Variants in PWWP2A observed in about 807,000 individuals in gnomAD.
PWWP2A encodes PWWP domain-containing protein 2A.
Under a neutral mutation model 48.5 loss-of-function variants are expected in PWWP2A, and 18 were observed. That is an observed-to-expected ratio of 0.37 (90% CI 0.26 to 0.55). The LOEUF (loss-of-function observed/expected upper bound fraction) is 0.55. Among genes scored for constraint, PWWP2A ranks in the 20% least tolerant of loss-of-function variants. The pLI is 0.81. For synonymous variants in PWWP2A, 396 were observed against 387.7 expected (o/e 1.02, Z -0.25); for missense variants, 867 against 976.4 (o/e 0.89, Z 1.49).
At chr5:160,115,136 T>TAAAAAAA (rs1561708134) in intron 1 of PWWP2A, among the ~76,000 whole-genome samples, 2 of 45,708 alleles carry the variant, frequency 4.4e-5, no homozygotes, top group Admixed American at 3.9e-4. Flanking sequence ...GGAGACTCTG[T>TAAAAAAA]CAAAAAAAAA....
the PWWP2A span, chr5:160,051,031 C>T: frequency 1.1e-6 from 1 of 914,454 alleles, no homozygotes; most frequent in Non-Finnish European, 1.6e-6. Context: ...ATCTTATTTC[C>T]ACATTAGGAT....
At chr5:160,080,288 C>T (rs1440634734) in intron 3 of PWWP2A, among the ~76,000 whole-genome samples, 2 of 151,904 alleles carry the variant, frequency 1.3e-5, no homozygotes, top group Admixed American at 1.3e-4. Context: ...CAAAAAAAGA[C>T]GGAGATAGTG....
chr5:160,087,252 T>C (rs1469480239), downstream of PWWP2A, among the ~76,000 whole-genome samples: 1 of 151,838 alleles, frequency 6.6e-6, no homozygotes, highest in Non-Finnish European at 1.5e-5. Context: ...CATGGTGACA[T>C]ACACCAGTAG....
chr5:160,067,295 T>A lies in PWWP2A; in HGVS notation c.*80-424A>T, dbSNP rs564943001. Among the ~76,000 whole-genome samples the A allele has an allele frequency of 5.5e-4, 84 of 152,306 alleles. 2 individuals carry two copies. The highest frequency in any genetic ancestry group is 3.4e-3 in the Middle Eastern group (1 of 294). ...GTTTTCATAAGACAAAATTTTGTCT[T>A]ATGAAAATAGCTTTCATAATACAAA... On this transcript the variant is annotated intron_variant and NMD_transcript_variant, in intron 2 of 5. Transcript: ENST00000524050.
At chr5:160,116,745 ATCTCT>A in intron 1 of PWWP2A, 1 of 985,226 alleles carries the variant, frequency 1.0e-6, no homozygotes. Flanking sequence ...ATCACTGGCC[ATCTCT>A]TCTGTTTCAT....
chr5:160,045,505 CACACACACAT>C, the PWWP2A span, among the ~76,000 whole-genome samples: 293 of 97,234 alleles, frequency 3.0e-3, 2 homozygotes, highest in Non-Finnish European at 3.1e-3. Context: ...CACACACACA[CACACACACAT>C]ACACACTCTC....
At chr5:160,059,193 GT>G (rs34949136), downstream of PWWP2A, among the ~76,000 whole-genome samples, 97,930 of 152,080 alleles carry the variant, frequency 0.64, 31,501 homozygotes, top group East Asian at 0.72. Context: ...ATATAGTGCT[GT>G]TTTCATCTAC....
chr5:160,106,650 G>A lies in PWWP2A; in HGVS notation c.584+12155C>T, dbSNP rs969938696. Among the ~76,000 whole-genome samples, 3 of 151,854 alleles carry A rather than the reference G, an allele frequency of 2.0e-5. No homozygotes were observed. In the East Asian group the frequency reaches 5.8e-4, roughly 29 times the overall value. On this transcript the variant is annotated intron_variant, in intron 1 of 1. Coordinates refer to ENST00000307063, the MANE Select transcript of PWWP2A (RefSeq NM_001130864.2). ...TCAACTACATAAAATTGGTTCAAGG[G>A]TAAAGAAATGAAAATTATGGACTGC...
chr5:160,103,170 T>C (rs1384151316), intron 1 of PWWP2A, among the ~76,000 whole-genome samples: 1 of 152,202 alleles, frequency 6.6e-6, no homozygotes, highest in Non-Finnish European at 1.5e-5. Context: ...TACAAATGAG[T>C]GACTCTAGAA....
At chr5:160,114,527 C>T (rs1757906124) in intron 1 of PWWP2A, among the ~76,000 whole-genome samples, 1 of 151,716 alleles carries the variant, frequency 6.6e-6, no homozygotes, top group South Asian at 2.1e-4. Context: ...TTTTCAGAGG[C>T]CAAGGCGGGC....
chr5:160,049,693 C>G, the PWWP2A span: 1 of 1,488,906 alleles, frequency 6.7e-7, no homozygotes, highest in African/African-American at 1.4e-5. Context: ...AATATTTTTC[C>G]TTCTATTCTT....
At chr5:160,095,861 AT>A (rs1755597614) in intron 1 of PWWP2A, among the ~76,000 whole-genome samples, 1 of 151,754 alleles carries the variant, frequency 6.6e-6, no homozygotes, top group South Asian at 2.1e-4. Context: ...TGCCTGGCTA[AT>A]TTTAGTATTT....
chr5:160,090,713 C>G, downstream of PWWP2A: 1 of 953,670 alleles, frequency 1.0e-6, no homozygotes, highest in Non-Finnish European at 1.2e-6. Flanking sequence ...TCCATAGTAA[C>G]TACTTCAAAT....
At chr5:160,105,286 C>G (rs147264003) in intron 1 of PWWP2A, among the ~76,000 whole-genome samples, 256 of 143,176 alleles carry the variant, frequency 1.8e-3, no homozygotes, top group African/African-American at 6.3e-3. Flanking sequence ...CGGTGGCTCA[C>G]AGCTGTAATC....
chr5:160,118,888 G>A lies in PWWP2A; in HGVS notation c.501C>T (p.Asp167=). ...CGACAAGCGCGTCCTCAATGATGTG[G>A]TCCAGCGTGACCCGCACCTCCGAGC... is the stretch of plus-strand genomic sequence containing the variant. ...IPGSEVRVTL[D]HIIEDALVVS... is the part of the protein sequence containing the mutation. Residue 167 remains aspartate (D), a synonymous_variant, in exon 1 of 2, where the codon GAC becomes GAT. Transcript: ENST00000307063. 6.2e-7 allele frequency: 1 copy of A among 1,601,396 alleles called. No homozygotes were observed. Among genetic ancestry groups the A allele is most frequent in the East Asian group, 2.3e-5 (1 of 43,546 alleles).
the PWWP2A span, among the ~76,000 whole-genome samples, chr5:160,046,456 C>G: frequency 6.6e-6 from 1 of 152,106 alleles, no homozygotes; most frequent in African/African-American, 2.4e-5. Context: ...TTGGAAGTCT[C>G]TAGATCTTAG....
At chr5:160,067,105 T>C (rs939745649) in intron 2 of PWWP2A, among the ~76,000 whole-genome samples, 5 of 152,170 alleles carry the variant, frequency 3.3e-5, no homozygotes, top group Non-Finnish European at 5.9e-5. Flanking sequence ...AGACACATTT[T>C]AGTGAGAAGA....
chr5:160,045,712 A>C, the PWWP2A span, among the ~76,000 whole-genome samples: 1 of 151,910 alleles, frequency 6.6e-6, no homozygotes, highest in Admixed American at 6.6e-5. Flanking sequence ...GGTGCACGCC[A>C]CCACACCCAG....
Position 160,097,706 on chromosome 5 carries a change from TGG to T in PWWP2A, c.585-3643_585-3642del, listed in dbSNP as rs35915060. 1.4e-3 allele frequency among the ~76,000 whole-genome samples: 149 copies of T among 108,056 alleles called. 2 individuals carry two copies. The highest frequency in any genetic ancestry group is 3.5e-3 in the African/African-American group (106 of 29,934). The allele number at this position is 108,056 out of a possible 152,430, so 70.9% of individuals were successfully genotyped here. On this transcript the variant is annotated intron_variant, in intron 1 of 1. Coordinates refer to ENST00000307063, the MANE Select transcript of PWWP2A (RefSeq NM_001130864.2). ...AATAATTTACTAGAGGTTTTTTTTT[TGG>T]GGGGGGGGGCGGTTGTTTTGTTTTT...
Sources: gnomAD v4.1 joint callset for allele counts (sites outside exome capture counted in the v4.1 genomes callset) on GRCh38, gnomAD v4.1.1 for gene constraint, MANE v1.5 for transcripts, NCBI Gene and HGNC (gene_info 2026-07-23, HGNC 2026-07-21) for gene names.